CPNE8: variants seen among roughly 807,000 people sequenced by gnomAD.
CPNE8 encodes the protein copine 8, also known as copine-8.
A neutral mutation model predicts 81.5 loss-of-function variants in CPNE8; 45 were observed. The ratio of observed to expected loss-of-function variants is 0.55; its 90% CI spans 0.44 to 0.71. The LOEUF (loss-of-function observed/expected upper bound fraction) is 0.71, where lower values mean the gene tolerates loss of function less well. CPNE8 is among the 30% of genes least tolerant of loss of function. The probability of loss-of-function intolerance (pLI) is 0.00; values close to 1 mark genes in which losing one functional copy is unlikely to be tolerated. For synonymous variants in CPNE8, 252 were observed against 226.3 expected (o/e 1.11, Z -1.02); for missense variants, 594 against 672.1 (o/e 0.88, Z 1.28).
At chr12:38,906,304 G>A (rs780581209), upstream of CPNE8, 29 of 985,280 alleles carry the variant, frequency 2.9e-5, no homozygotes, top group Non-Finnish European at 3.1e-5. Context: ...TGGCAAAGTG[G>A]CCGATCAATA....
chr12:38,826,752 G>T (rs1303271015), intron 6 of CPNE8, among the ~76,000 whole-genome samples: 1 of 151,786 alleles, frequency 6.6e-6, no homozygotes, highest in East Asian at 1.9e-4. Flanking sequence ...ATATAAATAT[G>T]ATTTTCCACT....
At chr12:38,855,264 C>T (rs1272308000) in intron 3 of CPNE8, among the ~76,000 whole-genome samples, 4 of 151,896 alleles carry the variant, frequency 2.6e-5, no homozygotes, top group African/African-American at 4.8e-5. Context: ...GAAAACTATT[C>T]TATGTTCATG....
chr12:38,905,074 T>G (rs1163938471), intron 1 of CPNE8, among the ~76,000 whole-genome samples: 1 of 152,102 alleles, frequency 6.6e-6, no homozygotes, highest in African/African-American at 2.4e-5. Context: ...CAAGAGCTTT[T>G]GGCAGTGCTG....
At chr12:38,742,981 A>C (rs936620874) in intron 10 of CPNE8, among the ~76,000 whole-genome samples, 2 of 151,956 alleles carry the variant, frequency 1.3e-5, no homozygotes, top group Admixed American at 6.6e-5. Flanking sequence ...CTGAAGGAAA[A>C]AGTTGTCTAA....
intron 14 of CPNE8, among the ~76,000 whole-genome samples, chr12:38,700,014 G>A (rs1461509857): frequency 6.6e-6 from 1 of 151,960 alleles, no homozygotes; most frequent in Non-Finnish European, 1.5e-5. Context: ...TCTGCAATAA[G>A]GATACTTTTA....
rs1684419 is a variant in CPNE8, at chr12:38,739,505, T to A, written c.723-9147A>T. Among the ~76,000 whole-genome samples, 3 of 152,086 alleles carry A rather than the reference T, an allele frequency of 2.0e-5. No individual in the cohort carries two copies. The East Asian group carries it at 5.8e-4, about 30-fold the overall frequency. On this transcript the variant is annotated intron_variant, in intron 10 of 19. Coordinates refer to ENST00000331366, the MANE Select transcript of CPNE8 (RefSeq NM_153634.3). ...GGTAACTTGTTCCTAAAACACATTA[T>A]AAAAATCTTTGAATATTCTATGAAA...
chr12:38,777,949 C>T (rs1370201287), intron 6 of CPNE8, among the ~76,000 whole-genome samples: 2 of 152,118 alleles, frequency 1.3e-5, no homozygotes, highest in African/African-American at 2.4e-5. Context: ...CTATTGTGAA[C>T]TGAGAGGGAC....
chr12:38,730,839 AAT>A (rs1238788455), intron 10 of CPNE8, among the ~76,000 whole-genome samples: 1 of 126,334 alleles, frequency 7.9e-6, no homozygotes, highest in Non-Finnish European at 1.7e-5. Context: ...TAATATGTGT[AAT>A]AGTCACTACA....
Position 38,723,820 on chromosome 12 carries a change from G to C in CPNE8, c.866C>G (p.Ser289Cys), listed in dbSNP as rs761557904. 1 of 1,580,942 alleles carries C rather than the reference G, an allele frequency of 6.3e-7. No individual in the cohort carries two copies. Among genetic ancestry groups the C allele is most frequent in the East Asian group, 2.2e-5 (1 of 44,598 alleles). Residue 289 changes from serine to cysteine, a missense_variant, in exon 13 of 20, where the codon TCT becomes TGT. By Grantham distance (112) the Ser-to-Cys change is moderately radical (BLOSUM62 -1). Transcript: ENST00000331366. ...YTNSGTVTLL[S>C]FLVETEVSFL... The stretch of plus-strand genomic sequence containing the variant: ...TGAAACTTCTGTTTCTACCAAGAAA[G>C]AGAGTAAAGTTACCTGAAAAAGAAA...
upstream of CPNE8, chr12:38,906,131 T>C (rs74347334): frequency 1.6e-5 from 16 of 985,754 alleles, no homozygotes; most frequent in Non-Finnish European, 1.8e-5. Flanking sequence ...CTCCCCACAA[T>C]TGGTTCTCAC....
chr12:38,773,015 T>C (rs948221681), intron 7 of CPNE8, among the ~76,000 whole-genome samples: 1 of 152,030 alleles, frequency 6.6e-6, no homozygotes, highest in Non-Finnish European at 1.5e-5. Context: ...TGCAACAAGA[T>C]AGATGAGCCT....
chr12:38,666,556 G>A (rs78239576), intron 19 of CPNE8, among the ~76,000 whole-genome samples: 4,684 of 152,186 alleles, frequency 0.031, 224 homozygotes, highest in East Asian at 0.15. Flanking sequence ...GAAAGTATAG[G>A]ATTTCGATCA....
chr12:38,835,795 G>A (rs1015982301), intron 5 of CPNE8, among the ~76,000 whole-genome samples: 1 of 151,974 alleles, frequency 6.6e-6, no homozygotes, highest in African/African-American at 2.4e-5. Context: ...TTTAGAAAGT[G>A]TATTAAAAAA....
At chr12:38,729,554 T>C (rs1940783990) in intron 11 of CPNE8, among the ~76,000 whole-genome samples, 1 of 151,980 alleles carries the variant, frequency 6.6e-6, no homozygotes. Context: ...TGGAATAAAG[T>C]GGTAGAAGGA....
At chr12:38,812,790 G>A (rs932703048) in intron 6 of CPNE8, among the ~76,000 whole-genome samples, 12 of 152,334 alleles carry the variant, frequency 7.9e-5, no homozygotes, top group Middle Eastern at 6.8e-3. Context: ...AGGACAGAGT[G>A]TGCCCCTCTT....
rs543557181 is a variant in CPNE8 at position 38,838,155 on chromosome 12, C to T, written c.330+1761G>A. 2.0e-4 allele frequency among the ~76,000 whole-genome samples: 31 copies of T among 152,228 alleles called. No homozygotes were observed. The South Asian group carries it at 3.9e-3, about 19-fold the overall frequency. On this transcript the variant is annotated intron_variant, in intron 5 of 19. Transcript: ENST00000331366. Reference sequence around the variant, plus strand: ...AAATGTCCTTACCTGCCAGTTATTACGCCCTTTGAAGAGTAGTTTGAACTA... The same window carrying T: ...AAATGTCCTTACCTGCCAGTTATTATGCCCTTTGAAGAGTAGTTTGAACTA...
chr12:38,803,582 C>CTTT (rs1353962523), intron 6 of CPNE8, among the ~76,000 whole-genome samples: 1 of 139,046 alleles, frequency 7.2e-6, no homozygotes, highest in African/African-American at 2.6e-5. Context: ...GAAGCATTCC[C>CTTT]TTTGAAAACT....
chr12:38,905,758 T>A, upstream of CPNE8: 1 of 1,391,336 alleles, frequency 7.2e-7, no homozygotes, highest in South Asian at 1.6e-5. Flanking sequence ...GCCAGGCAAG[T>A]GGCGCGCGGG....
At chr12:38,687,970 C>T (rs978947636) in intron 15 of CPNE8, among the ~76,000 whole-genome samples, 7 of 152,032 alleles carry the variant, frequency 4.6e-5, no homozygotes, top group East Asian at 1.9e-4. Flanking sequence ...TAATCTGAGC[C>T]GACCTATTTA....
Sources: gnomAD v4.1 joint callset for allele counts (sites outside exome capture counted in the v4.1 genomes callset) on GRCh38, gnomAD v4.1.1 for gene constraint, MANE v1.5 for transcripts, NCBI Gene and HGNC (gene_info 2026-07-23, HGNC 2026-07-21) for gene names.